MRS2: variants seen among roughly 807,000 people sequenced by gnomAD.
The protein encoded by MRS2 is magnesium transporter MRS2 homolog, mitochondrial.
MRS2 carries 40 observed loss-of-function variants against 52.6 expected under a neutral mutation model. The observed-to-expected ratio is 0.76, with a 90% confidence interval of 0.59 to 0.99. The LOEUF (loss-of-function observed/expected upper bound fraction) is 0.99. MRS2 is among the 50% of genes least tolerant of loss of function. MRS2 has a pLI of 0.00. For synonymous variants in MRS2, 193 were observed against 195.9 expected (o/e 0.98, Z 0.13); for missense variants, 472 against 532.7 (o/e 0.89, Z 1.12).
intron 2 of MRS2, among the ~76,000 whole-genome samples, chr6:24,406,654 A>C (rs1761485852): frequency 6.6e-6 from 1 of 152,212 alleles, no homozygotes; most frequent in South Asian, 2.1e-4. Flanking sequence ...GCACGCCTGT[A>C]GTCCCAGCTA....
intron 6 of MRS2, among the ~76,000 whole-genome samples, chr6:24,415,874 G>A (rs138082799): frequency 1.8e-3 from 268 of 152,212 alleles, no homozygotes; most frequent in Non-Finnish European, 3.5e-3. Context: ...GTTTCACTCC[G>A]TTGCCCAGGC....
intron 5 of MRS2, among the ~76,000 whole-genome samples, 200 bp from the exon 6 acceptor site, chr6:24,414,833 A>G (rs73384220): frequency 0.02 from 2,985 of 152,330 alleles, 79 homozygotes; most frequent in African/African-American, 0.065. Context: ...CCTAAAGATA[A>G]CATCATACAT....
intron 4 of MRS2, among the ~76,000 whole-genome samples, chr6:24,411,221 A>G (rs1395405674): frequency 1.3e-5 from 2 of 151,968 alleles, no homozygotes; most frequent in African/African-American, 4.8e-5. Flanking sequence ...AATTCATGAT[A>G]GAATGTTGGA....
rs547938186 is a variant in MRS2 at position 24,423,611 on chromosome 6, C to G, written c.1249C>G (p.Leu417Val). 6.2e-7 allele frequency: 1 copy of G among 1,609,180 alleles called. No homozygotes were observed. The highest frequency in any genetic ancestry group is 1.1e-5 in the South Asian group (1 of 90,906). ...GGCTTCTTTACCTAAAAAGACTCTT[C>G]TGGCAGATAGAAGCATGGAATTGAA... ...MMASLPKKTL[L>V]ADRSMELKNS... Residue 417 changes from leucine to valine, a missense_variant, in exon 11 of 11, where the codon CTG becomes GTG. Physicochemically the swap from Leu to Val is conservative, Grantham distance 32 (BLOSUM62 1). Transcript: ENST00000378386.
intron 9 of MRS2, among the ~76,000 whole-genome samples, chr6:24,421,608 A>G (rs1366670651): frequency 8.4e-6 from 1 of 119,388 alleles, no homozygotes; most frequent in African/African-American, 2.6e-5. Flanking sequence ...CATTTGCTTT[A>G]TCATTTCTTT....
chr6:24,417,340 CA>C (rs1761885575), intron 7 of MRS2, among the ~76,000 whole-genome samples: 1 of 152,294 alleles, frequency 6.6e-6, no homozygotes, highest in South Asian at 2.1e-4. Context: ...TGATATCATT[CA>C]AAAACATTTT....
intron 4 of MRS2, among the ~76,000 whole-genome samples, chr6:24,410,175 C>G (rs1379974035): frequency 6.6e-6 from 1 of 152,124 alleles, no homozygotes; most frequent in South Asian, 2.1e-4. Flanking sequence ...CATGGGGTTT[C>G]TCCATGTTGG....
At chr6:24,410,954 CGA>C (rs1486263766) in intron 4 of MRS2, among the ~76,000 whole-genome samples, 17 of 151,924 alleles carry the variant, frequency 1.1e-4, no homozygotes, top group Admixed American at 1.1e-3. Flanking sequence ...TTTGGGAGGC[CGA>C]GAGGGGTGGA....
At chr6:24,404,447 G>T (rs1319659517) in intron 1 of MRS2, among the ~76,000 whole-genome samples, 1 of 152,062 alleles carries the variant, frequency 6.6e-6, no homozygotes, top group Non-Finnish European at 1.5e-5. Context: ...CGTGTATGTA[G>T]TAGAAAAAAG....
intron 2 of MRS2, among the ~76,000 whole-genome samples, chr6:24,408,197 T>G (rs1761537174): frequency 1.3e-5 from 2 of 152,112 alleles, no homozygotes; most frequent in Admixed American, 1.3e-4. Flanking sequence ...CCAGGTCTGA[T>G]TTTTCCTATC....
chr6:24,422,660 T>G (rs1762086619), intron 9 of MRS2, among the ~76,000 whole-genome samples: 1 of 152,174 alleles, frequency 6.6e-6, no homozygotes, highest in South Asian at 2.1e-4. Flanking sequence ...GACTTAAGAT[T>G]TGCACGCATG....
rs1201967922 is a variant in MRS2 at position 24,425,819 on chromosome 6, C to G, written c.*2125C>G. ...TTCTTCATGAACACAGACTGTTAAGCAGCACTAACCAATTTTATATTAAAA... is the reference window on the plus strand; with the variant it reads ...TTCTTCATGAACACAGACTGTTAAGGAGCACTAACCAATTTTATATTAAAA... On this transcript the variant is annotated 3_prime_UTR_variant, in exon 11 of 11. Transcript: ENST00000378386. 1 of 152,188 alleles carries G rather than the reference C, an allele frequency of 6.6e-6. No individual in the cohort carries two copies. Among genetic ancestry groups the G allele is most frequent in the African/African-American group, 2.4e-5 (1 of 41,458 alleles). The allele number at this position is 152,188 out of a possible 1,614,324, so 9.4% of individuals were successfully genotyped here.
chr6:24,420,615 T>G (rs1033872486), intron 9 of MRS2, among the ~76,000 whole-genome samples: 5 of 152,136 alleles, frequency 3.3e-5, no homozygotes, highest in African/African-American at 1.2e-4. Flanking sequence ...GCTAAGTGCC[T>G]CAGAGAAAAA....
rs568357295 is a variant in MRS2, at chr6:24,417,649, A to C, written c.837-435A>C. ...ACTCACAGATTGGCCACAACAATAG[A>C]AAAGACAAAGGCAGCCAGGCGCTGT... On this transcript the variant is annotated intron_variant, in intron 7 of 10. Transcript: ENST00000378386. Among the ~76,000 whole-genome samples the C allele has an allele frequency of 2.6e-5, 4 of 152,282 alleles. No homozygotes were observed. The East Asian group carries it at 7.7e-4, about 29-fold the overall frequency.
chr6:24,414,582 C>T (rs1761778240), intron 5 of MRS2, among the ~76,000 whole-genome samples: 1 of 152,190 alleles, frequency 6.6e-6, no homozygotes, highest in Non-Finnish European at 1.5e-5. Context: ...TCTGATCTCT[C>T]TTTCTTTTCT....
chr6:24,420,870 C>G (rs1762021894), intron 9 of MRS2, among the ~76,000 whole-genome samples: 3 of 152,054 alleles, frequency 2.0e-5, no homozygotes, highest in Admixed American at 1.3e-4. Flanking sequence ...AAATGAGGTC[C>G]CAGATGCAGA....
At chr6:24,417,509 A>G (rs1440016316) in intron 7 of MRS2, among the ~76,000 whole-genome samples, 3 of 152,340 alleles carry the variant, frequency 2.0e-5, no homozygotes, top group East Asian at 3.9e-4. Context: ...ATGTATCTGC[A>G]TAAAAATCTC....
intron 10 of MRS2, 45 bp downstream of exon 10, chr6:24,423,095 T>A: frequency 6.7e-7 from 1 of 1,489,394 alleles, no homozygotes; most frequent in Non-Finnish European, 9.3e-7. Flanking sequence ...AGGGTTATGA[T>A]CATGGGCCCT....
At position 24,418,465 on chromosome 6, in the gene MRS2, C is replaced by G; in HGVS notation, c.994C>G (p.Arg332Gly). 6.2e-7 allele frequency: 1 copy of G among 1,613,810 alleles called. No individual in the cohort carries two copies. Among genetic ancestry groups the G allele is most frequent in the Non-Finnish European group, 8.5e-7 (1 of 1,179,984 alleles). The change falls in exon 9 of 11, where the codon CGA becomes GGA. Residue 332 changes from arginine (R) to glycine (G), a missense_variant. Coordinates refer to ENST00000378386, the MANE Select transcript of MRS2 (RefSeq NM_020662.4). ...SIIFINLDSH[R>G]NVMMRLNLQL... Reference sequence around the variant, plus strand: ...AATAGGTGTTCTCCTCTCCAGCCACCGAAACGTGATGATGAGGTTGAATCT... The same window carrying G: ...AATAGGTGTTCTCCTCTCCAGCCACGGAAACGTGATGATGAGGTTGAATCT...
Sources: allele counts gnomAD v4.1 joint callset (sites outside exome capture counted in the v4.1 genomes callset), GRCh38; gene constraint gnomAD v4.1.1; transcripts MANE v1.5; gene names NCBI Gene and HGNC (gene_info 2026-07-23, HGNC 2026-07-21).